HCRTR2: variants seen among roughly 807,000 people sequenced by gnomAD.
HCRTR2 encodes hypocretin receptor 2.
In HCRTR2, 22 loss-of-function variants were observed where a neutral mutation model predicts 49.0. The ratio of observed to expected loss-of-function variants is 0.45; its 90% CI spans 0.32 to 0.64. The LOEUF is 0.64. Ranked by LOEUF, HCRTR2 falls within the 30% of genes least tolerant of loss-of-function variation. HCRTR2 has a pLI of 0.04. For synonymous variants in HCRTR2, 236 were observed against 205.3 expected (o/e 1.15, Z -1.28); for missense variants, 491 against 559.4 (o/e 0.88, Z 1.23).
intron 1 of HCRTR2, among the ~76,000 whole-genome samples, chr6:55,117,640 T>C (rs1183061216): frequency 2.0e-5 from 3 of 151,656 alleles, no homozygotes; most frequent in Admixed American, 6.6e-5. Context: ...CTCTCTTTAA[T>C]TACAGAGCAA....
At chr6:55,210,336 C>G (rs771852111) in intron 1 of HCRTR2, among the ~76,000 whole-genome samples, 51 of 152,034 alleles carry the variant, frequency 3.4e-4, no homozygotes, top group Admixed American at 6.6e-4. Flanking sequence ...TAGATTGATA[C>G]AATGTGATGG....
At chr6:55,212,957 A>G (rs964692540) in intron 1 of HCRTR2, among the ~76,000 whole-genome samples, 17 of 152,184 alleles carry the variant, frequency 1.1e-4, no homozygotes, top group African/African-American at 4.1e-4. Flanking sequence ...ATTGGGGATA[A>G]CTTCCAATGC....
intron 4 of HCRTR2, among the ~76,000 whole-genome samples, chr6:55,267,458 A>G (rs893778877): frequency 6.8e-6 from 1 of 146,274 alleles, no homozygotes; most frequent in Non-Finnish European, 1.5e-5. Context: ...AATTCTACAG[A>G]TTATTTGCTA....
At chr6:55,252,445 A>C (rs1766567703) in intron 2 of HCRTR2, among the ~76,000 whole-genome samples, 1 of 152,116 alleles carries the variant, frequency 6.6e-6, no homozygotes, top group African/African-American at 2.4e-5. Flanking sequence ...TGTACTTCTA[A>C]TTGCTAGAGA....
In HCRTR2 at chr6:55,278,464, G is replaced by A. The variant is rs1308709800; in HGVS notation, c.983+864G>A. On this transcript the variant is annotated intron_variant, in intron 5 of 6. Coordinates refer to ENST00000370862, the MANE Select transcript of HCRTR2 (RefSeq NM_001384272.1). The stretch of plus-strand genomic sequence containing the variant: ...CAGCTGGGAACTCTGAAGAACAGCA[G>A]CTTTGGCTGGAGTCAGAAGAAGTGG... Among the ~76,000 whole-genome samples the A allele has an allele frequency of 3.9e-5, 6 of 152,166 alleles. No homozygotes were observed. The South Asian group carries it at 1.0e-3, about 26-fold the overall frequency.
intron 1 of HCRTR2, among the ~76,000 whole-genome samples, chr6:55,162,284 A>G (rs571499620): frequency 6.6e-6 from 1 of 152,322 alleles, no homozygotes; most frequent in Admixed American, 6.5e-5. Flanking sequence ...ACAAAATTTA[A>G]CAGCCCTTCA....
intron 1 of HCRTR2, among the ~76,000 whole-genome samples, chr6:55,175,511 TA>T (rs1374205561): frequency 2.6e-5 from 4 of 151,920 alleles, no homozygotes; most frequent in African/African-American, 9.7e-5. Context: ...TTCAGCCAAA[TA>T]TTTTTTTTTT....
At chr6:55,204,960 T>C (rs904315524) in intron 1 of HCRTR2, among the ~76,000 whole-genome samples, 1 of 152,122 alleles carries the variant, frequency 6.6e-6, no homozygotes, top group Non-Finnish European at 1.5e-5. Flanking sequence ...TGATTTTTTT[T>C]AGTTTTTTTT....
At chr6:55,261,475 G>C (rs1209028330) in intron 3 of HCRTR2, among the ~76,000 whole-genome samples, 4 of 151,870 alleles carry the variant, frequency 2.6e-5, no homozygotes, top group African/African-American at 9.7e-5. Flanking sequence ...CATGATCTCA[G>C]CTCTCTGCGA....
chr6:55,139,476 T>A (rs964979296), intron 1 of HCRTR2, among the ~76,000 whole-genome samples: 2 of 152,222 alleles, frequency 1.3e-5, no homozygotes, highest in Non-Finnish European at 2.9e-5. Context: ...TCCAAAAACC[T>A]AGTTTTGATA....
chr6:55,118,051 C>T (rs1489640103), intron 1 of HCRTR2, among the ~76,000 whole-genome samples: 2 of 151,800 alleles, frequency 1.3e-5, no homozygotes, highest in East Asian at 1.9e-4. Context: ...TGTCCCTCCT[C>T]TCACCCTCAC....
intron 1 of HCRTR2, among the ~76,000 whole-genome samples, chr6:55,221,175 AT>A (rs1765883065): frequency 1.3e-5 from 2 of 152,166 alleles, no homozygotes; most frequent in South Asian, 2.1e-4. Flanking sequence ...TTATGATGTC[AT>A]TTTTTTCAGA....
chr6:55,139,349 G>A (rs536258739), intron 1 of HCRTR2, among the ~76,000 whole-genome samples: 1 of 152,290 alleles, frequency 6.6e-6, no homozygotes, highest in South Asian at 2.1e-4. Context: ...TGCACACACA[G>A]GGACATGAGT....
intron 1 of HCRTR2, among the ~76,000 whole-genome samples, chr6:55,165,298 AC>A (rs137858433): frequency 6.6e-6 from 1 of 152,224 alleles, no homozygotes; most frequent in African/African-American, 2.4e-5. Context: ...GTATTCAAAT[AC>A]AAGGTTATGG....
chr6:55,184,868 A>T (rs982908405), intron 1 of HCRTR2, among the ~76,000 whole-genome samples: 1 of 152,168 alleles, frequency 6.6e-6, no homozygotes, highest in African/African-American at 2.4e-5. Context: ...TTGTCACTAC[A>T]TTGCTAGAAA....
intron 1 of HCRTR2, among the ~76,000 whole-genome samples, chr6:55,205,092 C>A (rs1025724807): frequency 6.6e-6 from 1 of 152,004 alleles, no homozygotes; most frequent in Non-Finnish European, 1.5e-5. Context: ...ATTTTATTTT[C>A]AAATATTTAA....
rs763882626 is a variant in HCRTR2, at chr6:55,248,554, G to A, written c.224-85G>A. The A allele has an allele frequency of 5.1e-5, 56 of 1,101,614 alleles. 1 individual carries two copies. The highest frequency in any genetic ancestry group is 7.7e-5 in the Non-Finnish European group (55 of 715,964). The allele number at this position is 1,101,614 out of a possible 1,614,324, so 68.2% of individuals were successfully genotyped here. On this transcript the variant is annotated intron_variant, in intron 1 of 6. Transcript: ENST00000370862. ...TTTTTCTTTTTAAATACATATTTGTGGACTTTATAGAAATACTGACAGTGT... is the reference window on the plus strand; with the variant it reads ...TTTTTCTTTTTAAATACATATTTGTAGACTTTATAGAAATACTGACAGTGT...
intron 1 of HCRTR2, among the ~76,000 whole-genome samples, chr6:55,122,693 A>G (rs1226682940): frequency 6.6e-6 from 1 of 152,094 alleles, no homozygotes; most frequent in Non-Finnish European, 1.5e-5. Context: ...CACTATTCAC[A>G]ATAGCAAAGA....
Position 55,282,604 on chromosome 6 carries a change from AAGTC to A in HCRTR2, c.*154_*157del, listed in dbSNP as rs1343557135. ...CTATTGCTCTTTGGAAATAAAAAAA[AAGTC>A]AGTTTAAAATGATTTCTCAACTTTT... is the stretch of plus-strand genomic sequence containing the variant. On this transcript the variant is annotated 3_prime_UTR_variant, in exon 7 of 7. Transcript: ENST00000370862. The A allele has an allele frequency of 1.3e-5, 8 of 615,334 alleles. No homozygotes were observed. The highest frequency in any genetic ancestry group is 9.3e-5 in the African/African-American group (5 of 54,004). The allele number at this position is 615,334 out of a possible 1,614,324, so 38.1% of individuals were successfully genotyped here.
Sources: allele counts gnomAD v4.1 joint callset (sites outside exome capture counted in the v4.1 genomes callset), GRCh38; gene constraint gnomAD v4.1.1; transcripts MANE v1.5; gene names NCBI Gene and HGNC (gene_info 2026-07-23, HGNC 2026-07-21).